COL25A1: variants seen among roughly 807,000 people sequenced by gnomAD.
The protein encoded by COL25A1 is collagen alpha-1(XXV) chain.
COL25A1 carries 103 observed loss-of-function variants against 128.4 expected under a neutral mutation model. The ratio of observed to expected loss-of-function variants is 0.80; its 90% CI spans 0.68 to 0.94. The LOEUF is 0.94. Among genes scored for constraint, COL25A1 ranks in the 40% least tolerant of loss-of-function variants. The probability of loss-of-function intolerance (pLI) is 0.00; values close to 1 mark genes in which losing one functional copy is unlikely to be tolerated. For missense variants in COL25A1, 745 were observed against 840.0 expected (o/e 0.89, Z 1.40); for synonymous variants, 279 against 277.2 (o/e 1.01, Z -0.06).
chr4:109,222,484 G>A (rs1778499445), intron 3 of COL25A1, among the ~76,000 whole-genome samples: 1 of 151,668 alleles, frequency 6.6e-6, no homozygotes, highest in Non-Finnish European at 1.5e-5. Context: ...TTAGGCCCCT[G>A]GTAAGTAATT....
At chr4:109,275,961 A>G (rs559503167) in intron 3 of COL25A1, among the ~76,000 whole-genome samples, 5 of 152,220 alleles carry the variant, frequency 3.3e-5, no homozygotes, top group African/African-American at 1.2e-4. Context: ...CTGGGCAAAC[A>G]CCTACCCATT....
intron 3 of COL25A1, among the ~76,000 whole-genome samples, chr4:109,095,666 GC>G (rs1170370736): frequency 6.6e-6 from 1 of 152,184 alleles, no homozygotes; most frequent in Non-Finnish European, 1.5e-5. Flanking sequence ...AAAATCAGCT[GC>G]CCGTCTGAAA....
intron 3 of COL25A1, among the ~76,000 whole-genome samples, chr4:109,096,706 C>T (rs1010901282): frequency 3.3e-5 from 5 of 152,098 alleles, no homozygotes; most frequent in Non-Finnish European, 7.4e-5. Flanking sequence ...TTAATAGAAA[C>T]TTTTCATAAG....
rs1730922637 is a variant in COL25A1, at chr4:108,813,013, A to G, written c.*914T>C. 6.6e-6 allele frequency: 1 copy of G among 152,228 alleles called. No individual in the cohort carries two copies. Among genetic ancestry groups the G allele is most frequent in the Admixed American group, 6.5e-5 (1 of 15,282 alleles). The allele number at this position is 152,228 out of a possible 1,614,324, so 9.4% of individuals were successfully genotyped here. A position where few individuals can be genotyped will look rare whatever the true frequency, so the allele number is the denominator to read the frequency against. On this transcript the variant is annotated 3_prime_UTR_variant, in exon 38 of 38. Transcript: ENST00000399132. ...ACTTGCTGAAATTCAGTTTATTTAT[A>G]CATATTTTTAAAGTCTGTGGTTCTG...
intron 3 of COL25A1, among the ~76,000 whole-genome samples, chr4:109,117,276 T>C (rs959634004): frequency 1.3e-5 from 2 of 151,950 alleles, no homozygotes; most frequent in African/African-American, 2.4e-5. Flanking sequence ...ACCTTATCTA[T>C]TGAGGAACAA....
intron 6 of COL25A1, among the ~76,000 whole-genome samples, chr4:109,009,760 C>T (rs114040524): frequency 0.015 from 2,245 of 152,254 alleles, 26 homozygotes; most frequent in Middle Eastern, 0.027. Context: ...ACTGACTTTT[C>T]ATTTCTGAAA....
chr4:108,902,575 C>A (rs891501857), intron 13 of COL25A1, among the ~76,000 whole-genome samples: 3 of 151,894 alleles, frequency 2.0e-5, no homozygotes, highest in African/African-American at 7.2e-5. Context: ...TTAAATATAA[C>A]CTACATAGAG....
intron 6 of COL25A1, among the ~76,000 whole-genome samples, chr4:109,000,710 C>A (rs1040323608): frequency 2.3e-5 from 3 of 132,980 alleles, no homozygotes; most frequent in Admixed American, 1.7e-4. Flanking sequence ...TGTGCCACTG[C>A]ACTCCAGCCT....
chr4:108,824,049 T>C (rs770054508), intron 35 of COL25A1, 125 bp downstream of exon 35: 2 of 1,612,590 alleles, frequency 1.2e-6, no homozygotes, highest in South Asian at 2.2e-5. Flanking sequence ...AAATCAGGCA[T>C]CAGTATGTTT....
intron 3 of COL25A1, among the ~76,000 whole-genome samples, chr4:109,089,010 A>C (rs147070532): frequency 5.3e-4 from 80 of 152,328 alleles, no homozygotes; most frequent in Admixed American, 1.5e-3. Context: ...TTCACTCTTT[A>C]CTAAAAAACT....
At chr4:109,240,313 A>T (rs1346349368) in intron 3 of COL25A1, among the ~76,000 whole-genome samples, 1 of 152,044 alleles carries the variant, frequency 6.6e-6, no homozygotes, top group Non-Finnish European at 1.5e-5. Flanking sequence ...TGAGTAATGC[A>T]TTGTGCCATG....
At chr4:109,141,708 A>G (rs1578269869) in intron 3 of COL25A1, among the ~76,000 whole-genome samples, 4 of 152,308 alleles carry the variant, frequency 2.6e-5, no homozygotes, top group African/African-American at 7.2e-5. Flanking sequence ...TAGATTTTCT[A>G]GTTTATTTGC....
At chr4:108,859,609 C>T in intron 24 of COL25A1, 47 bp downstream of exon 24, 2 of 1,544,162 alleles carry the variant, frequency 1.3e-6, no homozygotes, top group Non-Finnish European at 1.8e-6. Flanking sequence ...ATGGGTGCTC[C>T]TCAGCATCCT....
chr4:109,041,201 G>A (rs937768244), intron 5 of COL25A1, among the ~76,000 whole-genome samples: 3 of 152,054 alleles, frequency 2.0e-5, no homozygotes, highest in African/African-American at 7.2e-5. Context: ...GGAAAGAGAA[G>A]GCCGTAACAA....
Position 108,841,676 on chromosome 4 carries a change from A to G in COL25A1, c.1656+19T>C. On this transcript the variant is annotated intron_variant, in intron 31 of 37. Transcript: ENST00000399132. Reference sequence around the variant, plus strand: ...TCAAGGAAGCAGAAATCAAATAATCAAGGGATTTGTTGGATTACCTTTGGT... The same window carrying G: ...TCAAGGAAGCAGAAATCAAATAATCGAGGGATTTGTTGGATTACCTTTGGT... The G allele has an allele frequency of 6.2e-7, 1 of 1,603,920 alleles. No individual in the cohort carries two copies. Among genetic ancestry groups the G allele is most frequent in the East Asian group, 2.2e-5 (1 of 44,758 alleles).
intron 3 of COL25A1, among the ~76,000 whole-genome samples, chr4:109,084,731 T>G (rs1385785349): frequency 6.6e-6 from 1 of 152,250 alleles, no homozygotes; most frequent in Non-Finnish European, 1.5e-5. Context: ...TCATTTAGAA[T>G]GCAAAATCAA....
intron 5 of COL25A1, among the ~76,000 whole-genome samples, chr4:109,040,705 G>A (rs1759796847): frequency 6.6e-6 from 1 of 152,156 alleles, no homozygotes; most frequent in Non-Finnish European, 1.5e-5. Context: ...AGGAAGCAGT[G>A]ACATGACACT....
chr4:108,930,314 C>A (rs1440349525), intron 11 of COL25A1, among the ~76,000 whole-genome samples: 1 of 152,148 alleles, frequency 6.6e-6, no homozygotes, highest in Non-Finnish European at 1.5e-5. Flanking sequence ...TCTAAGAGAA[C>A]ATGCTCATCT....
At chr4:109,127,042 A>G (rs1416407468) in intron 3 of COL25A1, among the ~76,000 whole-genome samples, 1 of 152,214 alleles carries the variant, frequency 6.6e-6, no homozygotes, top group Admixed American at 6.5e-5. Context: ...GAAAGAGATA[A>G]AAGCTTCAGA....
Sources: allele counts gnomAD v4.1 joint callset (sites outside exome capture counted in the v4.1 genomes callset), GRCh38; gene constraint gnomAD v4.1.1; transcripts MANE v1.5; gene names NCBI Gene and HGNC (gene_info 2026-07-23, HGNC 2026-07-21).